CEP112: variants seen among roughly 807,000 people sequenced by gnomAD.
The protein encoded by CEP112 is centrosomal protein 112.
In CEP112, 127 loss-of-function variants were observed where a neutral mutation model predicts 153.0. The ratio of observed to expected loss-of-function variants is 0.83; its 90% CI spans 0.72 to 0.96. CEP112 has a LOEUF of 0.96. Among genes scored for constraint, CEP112 ranks in the 40% least tolerant of loss-of-function variants. The pLI is 0.00. For missense variants in CEP112, 1,089 were observed against 1,101.2 expected (o/e 0.99, Z 0.16); for synonymous variants, 358 against 374.4 (o/e 0.96, Z 0.51).
chr17:66,139,581 C>G (rs572504025), intron 4 of CEP112, among the ~76,000 whole-genome samples: 1 of 152,048 alleles, frequency 6.6e-6, no homozygotes, highest in Non-Finnish European at 1.5e-5. Flanking sequence ...GTGCTCCAGT[C>G]CGGGTGACAG....
chr17:66,009,189 T>TTGTGTGTG (rs34971943), intron 16 of CEP112, among the ~76,000 whole-genome samples: 180 of 146,942 alleles, frequency 1.2e-3, no homozygotes, highest in African/African-American at 4.2e-3. Context: ...TGTTATCCCT[T>TTGTGTGTG]TGTGTGTGTG....
chr17:65,848,700 G>C (rs1437351493), intron 21 of CEP112, among the ~76,000 whole-genome samples: 1 of 152,200 alleles, frequency 6.6e-6, no homozygotes, highest in African/African-American at 2.4e-5. Flanking sequence ...AACAGCAAGG[G>C]AAAGTGTAGT....
chr17:65,637,499 G>C (rs141011366), intron 25 of CEP112, among the ~76,000 whole-genome samples: 1 of 152,100 alleles, frequency 6.6e-6, no homozygotes, highest in Non-Finnish European at 1.5e-5. Flanking sequence ...TGTCTTTCTC[G>C]CTCCGTTGCT....
intron 4 of CEP112, among the ~76,000 whole-genome samples, chr17:66,164,409 T>A (rs963181762): frequency 1.3e-5 from 2 of 151,610 alleles, no homozygotes; most frequent in Non-Finnish European, 2.9e-5. Flanking sequence ...AATACAAAAA[T>A]TAGCCAGGCG....
intron 21 of CEP112, among the ~76,000 whole-genome samples, chr17:65,766,923 G>C (rs936026002): frequency 6.4e-5 from 9 of 139,970 alleles, no homozygotes; most frequent in Non-Finnish European, 1.4e-4. Context: ...TGGACATGAA[G>C]GGAGAAACAG....
At chr17:66,044,204 T>C (rs549586958) in intron 12 of CEP112, among the ~76,000 whole-genome samples, 6 of 152,116 alleles carry the variant, frequency 3.9e-5, no homozygotes, top group African/African-American at 2.4e-5. Flanking sequence ...TTGTGAATGA[T>C]ATTTCTCTCA....
intron 21 of CEP112, among the ~76,000 whole-genome samples, chr17:65,793,616 T>TTA (rs1273211008): frequency 6.6e-6 from 1 of 152,240 alleles, no homozygotes; most frequent in Admixed American, 6.5e-5. Flanking sequence ...GGTGGCAAAC[T>TTA]TACCTAAATC....
chr17:65,944,112 A>G lies in CEP112; in HGVS notation c.1873-16423T>C, dbSNP rs558025520. 2.6e-5 allele frequency among the ~76,000 whole-genome samples: 4 copies of G among 152,340 alleles called. No homozygotes were observed. The East Asian group carries it at 7.7e-4, about 29-fold the overall frequency. ...CCTCAGCAAACTAACACAGGAACAG[A>G]AAACCAAACACTGCATGTTCTCACT... is the stretch of plus-strand genomic sequence containing the variant. On this transcript the variant is annotated intron_variant, in intron 18 of 26. Coordinates refer to ENST00000535342, the MANE Select transcript of CEP112 (RefSeq NM_001199165.4).
rs140172447 is a variant in CEP112 at position 65,707,606 on chromosome 17, CT to C, written c.2608-18389del. 9.7e-3 allele frequency among the ~76,000 whole-genome samples: 1,483 copies of C among 152,282 alleles called. 23 individuals are homozygous for C. The highest frequency in any genetic ancestry group is 0.034 in the African/African-American group (1,408 of 41,558). On this transcript the variant is annotated intron_variant, in intron 23 of 26. Coordinates refer to ENST00000535342, the MANE Select transcript of CEP112 (RefSeq NM_001199165.4). ...TCCACTTTGGTCCAGCCACACTTGC[CT>C]TCCTACTATTCTCTGAACCTTACAA...
At chr17:66,115,117 ATCAC>A (rs2069226602) in intron 6 of CEP112, among the ~76,000 whole-genome samples, 1 of 152,148 alleles carries the variant, frequency 6.6e-6, no homozygotes, top group Non-Finnish European at 1.5e-5. Flanking sequence ...AAGCAGGAGA[ATCAC>A]TTAAACCTGG....
rs1427162209 is a variant in CEP112 at position 65,952,347 on chromosome 17, AC to A, written c.1872+9115del. Among the ~76,000 whole-genome samples the A allele has an allele frequency of 2.0e-5, 3 of 152,232 alleles. No homozygotes were observed. In the East Asian group the frequency reaches 5.8e-4, roughly 30 times the overall value. ...TCACTGAAAAGAACTGGGAATTCTA[AC>A]AGGACTCAGAGAATAAAAAACACTC... On this transcript the variant is annotated intron_variant, in intron 18 of 26. Coordinates refer to ENST00000535342, the MANE Select transcript of CEP112 (RefSeq NM_001199165.4).
chr17:65,948,362 G>A (rs537986064), intron 18 of CEP112, among the ~76,000 whole-genome samples: 1 of 151,932 alleles, frequency 6.6e-6, no homozygotes, highest in South Asian at 2.1e-4. Flanking sequence ...TTTTCAAGAG[G>A]AGAAAAATAA....
chr17:65,635,837 T>C lies in CEP112; in HGVS notation c.*134A>G. On this transcript the variant is annotated 3_prime_UTR_variant, in exon 27 of 27. Coordinates refer to ENST00000535342, the MANE Select transcript of CEP112 (RefSeq NM_001199165.4). ...CTAGTGTATGAATGATGCATGTTTT[T>C]ATGATCTTAATTACATTTAAGGATT... is the stretch of plus-strand genomic sequence containing the variant. The C allele has an allele frequency of 1.1e-6, 1 of 925,446 alleles. No homozygotes were observed. Among genetic ancestry groups the C allele is most frequent in the East Asian group, 2.7e-5 (1 of 37,474 alleles). 57.3% of individuals were successfully genotyped at this position (925,446 alleles called of 1,614,324 possible). A position where few individuals can be genotyped will look rare whatever the true frequency, so the allele number is the denominator to read the frequency against.
chr17:65,754,645 A>G (rs66792807), intron 21 of CEP112, among the ~76,000 whole-genome samples: 1 of 151,806 alleles, frequency 6.6e-6, no homozygotes. Context: ...ATAAAATAAA[A>G]TACAATACAG....
chr17:65,648,750 A>G (rs2045574211), intron 24 of CEP112, among the ~76,000 whole-genome samples: 1 of 152,178 alleles, frequency 6.6e-6, no homozygotes, highest in Admixed American at 6.6e-5. Context: ...TGATGTTTTT[A>G]TTCAAAAAAC....
intron 6 of CEP112, among the ~76,000 whole-genome samples, chr17:66,108,767 A>C (rs371993207): frequency 1.3e-5 from 2 of 152,342 alleles, no homozygotes; most frequent in South Asian, 2.1e-4. Flanking sequence ...TGCTAGGTAT[A>C]TACCCAAAAG....
chr17:66,085,605 A>C (rs1446622283), intron 8 of CEP112, among the ~76,000 whole-genome samples: 1 of 152,234 alleles, frequency 6.6e-6, no homozygotes, highest in Non-Finnish European at 1.5e-5. Flanking sequence ...CAGTAAAGTA[A>C]AATTTATGTA....
chr17:65,936,793 T>TCTCCCCCTCCGCCTCCTC (rs2061321505), intron 18 of CEP112, among the ~76,000 whole-genome samples: 1 of 109,542 alleles, frequency 9.1e-6, no homozygotes, highest in Admixed American at 1.1e-4. Context: ...TCCGTCTACC[T>TCTCCCCCTCCGCCTCCTC]CTCCCCCTCC....
intron 21 of CEP112, among the ~76,000 whole-genome samples, chr17:65,766,698 C>G (rs552794937): frequency 1.7e-5 from 2 of 120,884 alleles, no homozygotes; most frequent in African/African-American, 7.2e-5. Flanking sequence ...AGCTATTGCA[C>G]GCAAATGGTA....
Sources: gnomAD v4.1 joint callset for allele counts (sites outside exome capture counted in the v4.1 genomes callset) on GRCh38, gnomAD v4.1.1 for gene constraint, MANE v1.5 for transcripts, NCBI Gene and HGNC (gene_info 2026-07-23, HGNC 2026-07-21) for gene names.